ANK1: variants seen among roughly 807,000 people sequenced by gnomAD.
The protein encoded by ANK1 is ankyrin-1.
ANK1 carries 51 observed loss-of-function variants against 210.4 expected under a neutral mutation model. That is an observed-to-expected ratio of 0.24 (90% CI 0.19 to 0.31). The LOEUF (loss-of-function observed/expected upper bound fraction) is 0.31. ANK1 is among the 10% of genes least tolerant of loss of function. The pLI, the probability that ANK1 is intolerant of heterozygous loss-of-function variation, is 1.00. For synonymous variants in ANK1, 967 were observed against 1,025.9 expected, an observed-to-expected ratio of 0.94 and a Z score of 1.10; for missense variants, 2,051 against 2,504.4, an observed-to-expected ratio of 0.82 and a Z score of 3.86.
chr8:41,866,546 G>T (rs1814497910), intron 1 of ANK1, among the ~76,000 whole-genome samples: 1 of 152,146 alleles, frequency 6.6e-6, no homozygotes, highest in Non-Finnish European at 1.5e-5. Context: ...CATTCACATT[G>T]CTGTGCTACC....
chr8:41,828,907 TG>T (rs760966285), intron 1 of ANK1: 2 of 152,388 alleles, frequency 1.3e-5, no homozygotes, highest in East Asian at 3.9e-4. Flanking sequence ...AAGTCGCGCG[TG>T]ACCCGGGGCG....
chr8:41,887,831 T>C (rs1818722756), intron 1 of ANK1, among the ~76,000 whole-genome samples: 1 of 152,254 alleles, frequency 6.6e-6, no homozygotes, highest in African/African-American at 2.4e-5. Flanking sequence ...ATTTTAAGCA[T>C]GTTTTTGGTG....
intron 1 of ANK1, chr8:41,828,198 C>T (rs1340601938): frequency 3.9e-5 from 6 of 152,376 alleles, no homozygotes. Flanking sequence ...CTATGAAAGG[C>T]TGCGAGCTAG....
chr8:41,793,080 TAAG>T (rs1024154414), intron 1 of ANK1, among the ~76,000 whole-genome samples: 3 of 152,180 alleles, frequency 2.0e-5, no homozygotes, highest in Non-Finnish European at 2.9e-5. Flanking sequence ...GAGTTCTGAA[TAAG>T]AAGTAGTCCA....
At chr8:41,872,325 C>T (rs1039946259) in intron 1 of ANK1, among the ~76,000 whole-genome samples, 1 of 152,250 alleles carries the variant, frequency 6.6e-6, no homozygotes. Flanking sequence ...CACCCCAGGG[C>T]TGGATGTGCT....
intron 16 of ANK1, among the ~76,000 whole-genome samples, chr8:41,710,192 G>A (rs374554885): frequency 7.2e-5 from 11 of 152,300 alleles, no homozygotes; most frequent in Admixed American, 2.6e-4. Flanking sequence ...CAGTTCCCAG[G>A]TGGGCACCTT....
intron 1 of ANK1, among the ~76,000 whole-genome samples, chr8:41,778,560 T>C (rs888778621): frequency 6.6e-6 from 1 of 152,206 alleles, no homozygotes; most frequent in East Asian, 1.9e-4. Flanking sequence ...CTTCCTGACC[T>C]CCTGGAGAGA....
chr8:41,656,338 T>A (rs904821602), intron 42 of ANK1, among the ~76,000 whole-genome samples: 2 of 152,190 alleles, frequency 1.3e-5, no homozygotes, highest in Non-Finnish European at 2.9e-5. Context: ...ACAGCTCCCC[T>A]TCAGCTCTGG....
At chr8:41,872,589 C>T (rs988254440) in intron 1 of ANK1, among the ~76,000 whole-genome samples, 1 of 152,236 alleles carries the variant, frequency 6.6e-6, no homozygotes, top group Non-Finnish European at 1.5e-5. Flanking sequence ...GGCCTTGGAG[C>T]CGTGGGGAGC....
At chr8:41,780,502 G>A (rs1269866393) in intron 1 of ANK1, among the ~76,000 whole-genome samples, 1 of 152,296 alleles carries the variant, frequency 6.6e-6, no homozygotes, top group Non-Finnish European at 1.5e-5. Flanking sequence ...GTCCTCCTCT[G>A]CCCACCCAGC....
chr8:41,721,395 C>T (rs73619350), intron 9 of ANK1, among the ~76,000 whole-genome samples: 421 of 152,218 alleles, frequency 2.8e-3, no homozygotes, highest in African/African-American at 9.8e-3. Flanking sequence ...TGTAGCTCAC[C>T]CCTGTAATTC....
intron 35 of ANK1, 56 bp downstream of exon 35, chr8:41,688,100 G>A: frequency 1.3e-6 from 2 of 1,550,896 alleles, no homozygotes; most frequent in East Asian, 2.2e-5. Flanking sequence ...TCATTACAGG[G>A]GAAGAGGGTA....
chr8:41,742,443 C>T (rs538402362), intron 2 of ANK1, among the ~76,000 whole-genome samples: 2 of 152,300 alleles, frequency 1.3e-5, no homozygotes, highest in South Asian at 4.1e-4. Context: ...TTATTTCACC[C>T]GTGCACAAGG....
At position 41,753,606 on chromosome 8, in the gene ANK1, A is replaced by C. The variant is rs1462176724; in HGVS notation, c.129+4430T>G. On this transcript the variant is annotated intron_variant, in intron 2 of 42. Coordinates refer to ENST00000289734, the MANE Select transcript of ANK1 (RefSeq NM_000037.4). Reference sequence around the variant, plus strand: ...TTGTTACATGAATGTACTGCATGACACTGAGGTTTGGAGGGCATATGATCC... The same window carrying C: ...TTGTTACATGAATGTACTGCATGACCCTGAGGTTTGGAGGGCATATGATCC... Among the ~76,000 whole-genome samples, 5 of 152,252 alleles carry C rather than the reference A, an allele frequency of 3.3e-5. No homozygotes were observed. The East Asian group carries it at 9.7e-4, about 29-fold the overall frequency.
intron 2 of ANK1, among the ~76,000 whole-genome samples, chr8:41,754,585 G>A (rs1201741851): frequency 2.6e-5 from 4 of 152,226 alleles, no homozygotes; most frequent in African/African-American, 9.6e-5. Flanking sequence ...CATCAGCTCA[G>A]AAGATTCAAG....
At chr8:41,798,879 G>A (rs1442699054), upstream of ANK1, among the ~76,000 whole-genome samples, 2 of 152,098 alleles carry the variant, frequency 1.3e-5, no homozygotes, top group African/African-American at 2.4e-5. Flanking sequence ...TGACGAGGCC[G>A]CCATCTGGCT....
intron 2 of ANK1, among the ~76,000 whole-genome samples, chr8:41,734,401 G>A (rs1040861392): frequency 6.6e-6 from 1 of 152,234 alleles, no homozygotes; most frequent in Non-Finnish European, 1.5e-5. Flanking sequence ...TAATTAAAAT[G>A]ATGTAGCTTC....
Position 41,717,589 on chromosome 8 carries a change from T to A in ANK1, c.1305+15A>T, listed in dbSNP as rs1375277600. 6.5e-7 allele frequency: 1 copy of A among 1,549,680 alleles called. No homozygotes were observed. Among genetic ancestry groups the A allele is most frequent in the Admixed American group, 2.0e-5 (1 of 51,004 alleles). On this transcript the variant is annotated intron_variant, in intron 12 of 42. Coordinates refer to ENST00000289734, the MANE Select transcript of ANK1 (RefSeq NM_000037.4). ...TGGTCTAGGGGAGCAAGCCCCTGCC[T>A]GCCTGAGGGCTTACCACGTTGGAGA...
At position 41,661,441 on chromosome 8, in the gene ANK1, C is replaced by T; in HGVS notation, c.*25G>A. 6.2e-7 allele frequency: 1 copy of T among 1,614,064 alleles called. No homozygotes were observed. The highest frequency in any genetic ancestry group is 1.1e-5 in the South Asian group (1 of 91,080). On this transcript the variant is annotated 3_prime_UTR_variant, in exon 42 of 43. Transcript: ENST00000289734. The stretch of plus-strand genomic sequence containing the variant: ...AAGGGCAGCGTTACCTCCCGAGAGG[C>T]TACTCCAAGGAGAGCGGCTCGGGGT...
Sources: gnomAD v4.1 joint callset for allele counts (sites outside exome capture counted in the v4.1 genomes callset) on GRCh38, gnomAD v4.1.1 for gene constraint, MANE v1.5 for transcripts, NCBI Gene and HGNC (gene_info 2026-07-23, HGNC 2026-07-21) for gene names.